NOP9: variants seen among roughly 807,000 people sequenced by gnomAD.
NOP9 encodes the protein NOP9 nucleolar protein.
Under a neutral mutation model 63.0 loss-of-function variants are expected in NOP9, and 50 were observed. That is an observed-to-expected ratio of 0.79 (90% CI 0.63 to 1.00). The LOEUF is 1.00. Ranked by LOEUF, NOP9 falls within the 50% of genes least tolerant of loss-of-function variation. NOP9 has a pLI of 0.00. For synonymous variants in NOP9, 343 were observed against 332.8 expected (o/e 1.03, Z -0.33); for missense variants, 758 against 803.0 (o/e 0.94, Z 0.68).
chr14:24,277,081 C>T, the NOP9 span, among the ~76,000 whole-genome samples: 1 of 152,098 alleles, frequency 6.6e-6, no homozygotes, highest in African/African-American at 2.4e-5. Context: ...TGGAGAAGGA[C>T]TATTTCTGAG....
the NOP9 span, chr14:24,292,931 G>A: frequency 3.2e-6 from 3 of 941,788 alleles, 1 homozygote; most frequent in South Asian, 4.1e-5. Context: ...GGAATTAGGG[G>A]CTTGAGGCCA....
the NOP9 span, among the ~76,000 whole-genome samples, chr14:24,271,912 T>A: frequency 6.6e-6 from 1 of 152,128 alleles, no homozygotes; most frequent in Non-Finnish European, 1.5e-5. Flanking sequence ...TGTCATTTTC[T>A]CTAACCTCTG....
In NOP9 at chr14:24,307,833, G is replaced by A; in HGVS notation, c.*2738G>A. ...TAGCAGTCACCTGAGTAAGTCACTG[G>A]GGTTCAGAGCTGAGAGGTACTCCAT... On this transcript the variant is annotated 3_prime_UTR_variant, in exon 10 of 10. Coordinates refer to ENST00000267425, the MANE Select transcript of NOP9 (RefSeq NM_174913.3). 1 of 1,595,814 alleles carries A rather than the reference G, an allele frequency of 6.3e-7. No individual in the cohort carries two copies. The highest frequency in any genetic ancestry group is 8.5e-7 in the Non-Finnish European group (1 of 1,170,892).
rs55791955 is a variant in NOP9, at chr14:24,302,499, C to G, written c.1143+75C>G. On this transcript the variant is annotated intron_variant, in intron 5 of 9. Coordinates refer to ENST00000267425, the MANE Select transcript of NOP9 (RefSeq NM_174913.3). ...GGACCTTATTTTATGGTCTGTCTGC[C>G]TCTATATACCTTTGACATTGTGCTG... is the stretch of plus-strand genomic sequence containing the variant. The G allele has an allele frequency of 1.4e-4, 197 of 1,367,320 alleles. No homozygotes were observed. The African/African-American group carries it at 2.3e-3, about 16-fold the overall frequency. The allele number at this position is 1,367,320 out of a possible 1,614,324, so 84.7% of individuals were successfully genotyped here.
At chr14:24,301,839 C>G (rs774273772) in intron 3 of NOP9, 117 bp downstream of exon 3, 1 of 1,449,592 alleles carries the variant, frequency 6.9e-7, no homozygotes, top group African/African-American at 1.4e-5. Flanking sequence ...TCTGGTTTGA[C>G]GTTCAGAGCA....
At chr14:24,294,838 T>A in the NOP9 span, among the ~76,000 whole-genome samples, 1 of 152,150 alleles carries the variant, frequency 6.6e-6, no homozygotes, top group Non-Finnish European at 1.5e-5. Context: ...TAAAACCCCT[T>A]TATATATTTT....
chr14:24,291,329 T>A, the NOP9 span: 1 of 1,226,648 alleles, frequency 8.2e-7, no homozygotes, highest in Non-Finnish European at 1.2e-6. Flanking sequence ...TCAGGATCCC[T>A]GGAGAGCTCT....
chr14:24,277,072 G>A, the NOP9 span, among the ~76,000 whole-genome samples: 2 of 152,186 alleles, frequency 1.3e-5, no homozygotes, highest in African/African-American at 4.8e-5. Flanking sequence ...GAGTGAGGAT[G>A]GAGAAGGACT....
chr14:24,279,180 CAG>C, the NOP9 span, among the ~76,000 whole-genome samples: 4 of 152,262 alleles, frequency 2.6e-5, no homozygotes, highest in South Asian at 8.3e-4. Context: ...ATTCAGAGAC[CAG>C]AGTCTCTCCA....
rs1435442011 is a variant in NOP9 at position 24,300,481 on chromosome 14, T to C, written c.321T>C (p.Ser107=). 1 of 1,607,180 alleles carries C rather than the reference T, an allele frequency of 6.2e-7. No individual in the cohort carries two copies. The highest frequency in any genetic ancestry group is 1.3e-5 in the African/African-American group (1 of 74,794). Residue 107 remains serine, a synonymous_variant, in exon 2 of 10, where the codon AGT becomes AGC. Coordinates refer to ENST00000267425, the MANE Select transcript of NOP9 (RefSeq NM_174913.3). The stretch of plus-strand genomic sequence containing the variant: ...CTTTGTCCACGAACAGGACTGGCAG[T>C]GAGATGCTGCAGGAACTGTTGGGAT... The part of the protein sequence containing the change: ...ALALSTNRTG[S]EMLQELLGFS...
chr14:24,301,128 T>G (rs1257194328), intron 2 of NOP9, among the ~76,000 whole-genome samples: 2 of 152,106 alleles, frequency 1.3e-5, no homozygotes, highest in African/African-American at 4.8e-5. Context: ...ACAAATGGAC[T>G]TAAGCAAAAG....
At chr14:24,275,790 G>A in the NOP9 span, among the ~76,000 whole-genome samples, 2 of 152,240 alleles carry the variant, frequency 1.3e-5, no homozygotes, top group Non-Finnish European at 2.9e-5. Flanking sequence ...GTGTGGTAGT[G>A]TGTGCATTTA....
chr14:24,282,609 C>G, the NOP9 span, among the ~76,000 whole-genome samples: 1 of 152,142 alleles, frequency 6.6e-6, no homozygotes, highest in Non-Finnish European at 1.5e-5. Context: ...CTGGAACTGC[C>G]TCTCTAATGA....
intron 2 of NOP9, 127 bp downstream of exon 2, chr14:24,300,984 C>A: frequency 1.3e-6 from 1 of 756,922 alleles, no homozygotes; most frequent in Non-Finnish European, 2.1e-6. Context: ...TTGACCTGTC[C>A]TAATCTGAAC....
At chr14:24,292,827 G>A in the NOP9 span, 20 of 1,582,384 alleles carry the variant, frequency 1.3e-5, no homozygotes, top group Admixed American at 1.9e-5. Context: ...CCGTGTTAGT[G>A]CTGGCCTGGG....
chr14:24,295,367 C>T (rs1188087270), upstream of NOP9, among the ~76,000 whole-genome samples: 1 of 152,086 alleles, frequency 6.6e-6, no homozygotes, highest in Non-Finnish European at 1.5e-5. Context: ...ATTTCTTTTG[C>T]ATAGGGAAAG....
intron 7 of NOP9, 57 bp from the exon 8 acceptor site, chr14:24,303,984 T>G: frequency 6.3e-7 from 1 of 1,580,220 alleles, no homozygotes; most frequent in Non-Finnish European, 8.7e-7. Context: ...GTTCTGGGGA[T>G]GGGCTCATCC....
At chr14:24,283,000 A>G in the NOP9 span, among the ~76,000 whole-genome samples, 1 of 152,202 alleles carries the variant, frequency 6.6e-6, no homozygotes, top group African/African-American at 2.4e-5. Flanking sequence ...CATCCCACTG[A>G]GAACTGCAGA....
chr14:24,309,027 T>C lies in NOP9; in HGVS notation c.*3932T>C, dbSNP rs2041607025. On this transcript the variant is annotated 3_prime_UTR_variant, in exon 10 of 10. Coordinates refer to ENST00000267425, the MANE Select transcript of NOP9 (RefSeq NM_174913.3). ...CATACCCTGACCCCCTTGTTTTGGA[T>C]ATACCCAGGTAGAACAACTCTCTCT... 1 of 152,288 alleles carries C rather than the reference T, an allele frequency of 6.6e-6. No homozygotes were observed. The highest frequency in any genetic ancestry group is 1.5e-5 in the Non-Finnish European group (1 of 68,082). 9.4% of individuals were successfully genotyped at this position (152,288 alleles called of 1,614,324 possible). A position where few individuals can be genotyped will look rare whatever the true frequency, so the allele number is the denominator to read the frequency against.
Sources: gnomAD v4.1 joint callset for allele counts (sites outside exome capture counted in the v4.1 genomes callset) on GRCh38, gnomAD v4.1.1 for gene constraint, MANE v1.5 for transcripts, NCBI Gene and HGNC (gene_info 2026-07-23, HGNC 2026-07-21) for gene names.